The following SLC39A11 variants were observed in gnomAD, a reference collection of about 807,000 sequenced individuals.
SLC39A11 encodes zinc transporter ZIP11.
A neutral mutation model predicts 36.1 loss-of-function variants in SLC39A11; 33 were observed. The observed-to-expected ratio is 0.91, with a 90% CI of 0.69 to 1.22. SLC39A11 has a LOEUF of 1.22. SLC39A11 is among the 50% of genes most tolerant of loss of function. The pLI, the probability that SLC39A11 is intolerant of heterozygous loss-of-function variation, is 0.00. For missense variants in SLC39A11, 432 were observed against 430.3 expected (o/e 1.00, Z -0.03); for synonymous variants, 166 against 170.3 (o/e 0.97, Z 0.20).
chr17:72,894,636 C>A (rs1458680915), intron 5 of SLC39A11, among the ~76,000 whole-genome samples: 2 of 147,116 alleles, frequency 1.4e-5, no homozygotes, highest in Non-Finnish European at 1.5e-5. Context: ...TGCCACTGTT[C>A]TCCAGCCTGA....
intron 4 of SLC39A11, among the ~76,000 whole-genome samples, chr17:72,948,144 T>C (rs1169889965): frequency 1.3e-5 from 2 of 151,996 alleles, no homozygotes; most frequent in African/African-American, 4.8e-5. Flanking sequence ...GGAAAATATA[T>C]ACCAGGAAAG....
chr17:72,732,040 CTTTTTTTT>C (rs764728558), intron 7 of SLC39A11, among the ~76,000 whole-genome samples: 11 of 33,666 alleles, frequency 3.3e-4, no homozygotes, highest in African/African-American at 1.1e-3. Context: ...CTTTTCTTTT[CTTTTTTTT>C]TTTTTTTTTT....
intron 5 of SLC39A11, among the ~76,000 whole-genome samples, chr17:72,930,425 C>T (rs1405900040): frequency 6.6e-6 from 1 of 152,174 alleles, no homozygotes; most frequent in Non-Finnish European, 1.5e-5. Context: ...TACCCTCATC[C>T]TACTGTTCTT....
At chr17:72,978,455 G>A (rs1453043302) in intron 4 of SLC39A11, among the ~76,000 whole-genome samples, 1 of 152,216 alleles carries the variant, frequency 6.6e-6, no homozygotes, top group African/African-American at 2.4e-5. Flanking sequence ...GTTCTAGGAA[G>A]GAAATAAACA....
intron 4 of SLC39A11, among the ~76,000 whole-genome samples, chr17:72,996,537 C>T (rs1019942381): frequency 2.6e-5 from 4 of 152,138 alleles, no homozygotes; most frequent in African/African-American, 9.7e-5. Context: ...TTCTCAGCAA[C>T]CCTCAGCACT....
chr17:72,690,494 A>G (rs2071977384), intron 7 of SLC39A11, among the ~76,000 whole-genome samples: 1 of 152,204 alleles, frequency 6.6e-6, no homozygotes, highest in Admixed American at 6.5e-5. Flanking sequence ...ACAGATAAAC[A>G]CGTACTTGTA....
intron 5 of SLC39A11, among the ~76,000 whole-genome samples, chr17:72,870,181 A>C (rs1409126751): frequency 6.6e-6 from 1 of 152,192 alleles, no homozygotes; most frequent in Non-Finnish European, 1.5e-5. Context: ...TCAGCAGACC[A>C]CACTGAGAAA....
At chr17:72,820,712 G>C (rs2077743115) in intron 6 of SLC39A11, among the ~76,000 whole-genome samples, 1 of 151,264 alleles carries the variant, frequency 6.6e-6, no homozygotes, top group East Asian at 1.9e-4. Flanking sequence ...GGGGTGAGAT[G>C]AGAGATGTTT....
chr17:72,849,722 A>G lies in SLC39A11; in HGVS notation c.513T>C (p.Pro171=). The change falls in exon 6 of 10, where the codon CCT becomes CCC. Residue 171 remains proline (P), a synonymous_variant. Transcript: ENST00000255559. ...GLPEGPAVPV[P]SRGNLAQPGG... is the part of the protein sequence containing the mutation. Reference sequence around the variant, plus strand: ...CGGGCTGTGCCAGATTCCCTCGAGAAGGCACAGGGACAGCAGGACCCTCTG... The same window carrying G: ...CGGGCTGTGCCAGATTCCCTCGAGAGGGCACAGGGACAGCAGGACCCTCTG... 1 of 1,611,744 alleles carries G rather than the reference A, an allele frequency of 6.2e-7. No homozygotes were observed. Among genetic ancestry groups the G allele is most frequent in the Non-Finnish European group, 8.5e-7 (1 of 1,179,160 alleles).
At chr17:72,701,929 G>T (rs555377217) in intron 7 of SLC39A11, among the ~76,000 whole-genome samples, 7 of 152,010 alleles carry the variant, frequency 4.6e-5, no homozygotes, top group Non-Finnish European at 8.8e-5. Flanking sequence ...GATATAAAGA[G>T]ACCCCATCTC....
At position 72,991,362 on chromosome 17, in the gene SLC39A11, AT is replaced by A. The variant is rs567932815; in HGVS notation, c.306+40193del. On this transcript the variant is annotated intron_variant, in intron 4 of 9. Transcript: ENST00000255559. ...TTTTGTTATTTTTATTTATTTTTTA[AT>A]TTTTTTTTTTTTGAGATGGAGCCTT... is the stretch of plus-strand genomic sequence containing the variant. 2.1e-3 allele frequency among the ~76,000 whole-genome samples: 303 copies of A among 146,126 alleles called. 6 individuals are homozygous for A. Among genetic ancestry groups the A allele is most frequent in the South Asian group, 5.0e-3 (23 of 4,618 alleles).
intron 5 of SLC39A11, among the ~76,000 whole-genome samples, chr17:72,894,156 G>A (rs2081906025): frequency 6.6e-6 from 1 of 151,608 alleles, no homozygotes; most frequent in South Asian, 2.1e-4. Flanking sequence ...GGGCCCAGGA[G>A]TTCAAGACCA....
intron 7 of SLC39A11, among the ~76,000 whole-genome samples, chr17:72,718,108 T>C (rs1259343706): frequency 1.3e-5 from 2 of 152,230 alleles, no homozygotes; most frequent in African/African-American, 2.4e-5. Context: ...GTGGATTTTT[T>C]ACCTAGGCTT....
intron 5 of SLC39A11, among the ~76,000 whole-genome samples, chr17:72,921,906 G>C (rs2083687481): frequency 6.6e-6 from 1 of 152,200 alleles, no homozygotes; most frequent in South Asian, 2.1e-4. Flanking sequence ...GTGAGGCTTA[G>C]AAGCTACAAA....
At chr17:72,686,588 G>A (rs532667517) in intron 7 of SLC39A11, among the ~76,000 whole-genome samples, 12 of 81,950 alleles carry the variant, frequency 1.5e-4, no homozygotes, top group Non-Finnish European at 3.0e-4. Flanking sequence ...TGTCCAGTGA[G>A]GGGGCTGAGT....
chr17:72,730,852 G>A (rs1280975500), intron 7 of SLC39A11, among the ~76,000 whole-genome samples: 1 of 151,968 alleles, frequency 6.6e-6, no homozygotes, highest in Non-Finnish European at 1.5e-5. Context: ...ATAGAGATGG[G>A]GTCTCCCATC....
rs753389854 is a variant in SLC39A11 at position 72,824,557 on chromosome 17, A to G, written c.601+25077T>C. ...AAAGGCAGAGGTTGGAACAGTTTGA[A>G]GGGCTTAAAGGAAGACAGGAAGATG... On this transcript the variant is annotated intron_variant, in intron 6 of 9. Coordinates refer to ENST00000255559, the MANE Select transcript of SLC39A11 (RefSeq NM_139177.4). Among the ~76,000 whole-genome samples the G allele has an allele frequency of 2.3e-4, 35 of 151,376 alleles. 1 individual carries two copies. The highest frequency in any genetic ancestry group is 1.3e-3 in the South Asian group (6 of 4,764).
intron 5 of SLC39A11, among the ~76,000 whole-genome samples, chr17:72,937,719 T>C (rs940413623): frequency 1.3e-5 from 2 of 152,202 alleles, no homozygotes; most frequent in African/African-American, 4.8e-5. Flanking sequence ...CCTGGTTTTA[T>C]GTGTACGACA....
chr17:72,689,193 T>C (rs1201442269), intron 7 of SLC39A11, among the ~76,000 whole-genome samples: 3 of 152,228 alleles, frequency 2.0e-5, no homozygotes, highest in Non-Finnish European at 2.9e-5. Context: ...AGTTTCATGC[T>C]AGAGCGTTAA....
Sources: gnomAD v4.1 joint callset for allele counts (sites outside exome capture counted in the v4.1 genomes callset) on GRCh38, gnomAD v4.1.1 for gene constraint, MANE v1.5 for transcripts, NCBI Gene and HGNC (gene_info 2026-07-23, HGNC 2026-07-21) for gene names.